EYA4: variants seen among roughly 807,000 people sequenced by gnomAD.
EYA4 encodes the protein protein phosphatase EYA4.
In EYA4, 31 loss-of-function variants were observed where a neutral mutation model predicts 87.9. The observed-to-expected ratio is 0.35, with a 90% CI of 0.27 to 0.48. The LOEUF is 0.48. Ranked by LOEUF, EYA4 falls within the 20% of genes least tolerant of loss-of-function variation. The probability of loss-of-function intolerance (pLI) is 0.99; values close to 1 mark genes in which losing one functional copy is unlikely to be tolerated. For synonymous variants in EYA4, 263 were observed against 270.6 expected, an observed-to-expected ratio of 0.97 and a Z score of 0.28; for missense variants, 678 against 761.4, an observed-to-expected ratio of 0.89 and a Z score of 1.29.
intron 2 of EYA4, among the ~76,000 whole-genome samples, chr6:133,296,163 C>T (rs1020468273): frequency 3.9e-5 from 6 of 152,134 alleles, no homozygotes; most frequent in African/African-American, 1.2e-4. Flanking sequence ...TGCAGTGCTC[C>T]TCAAGTGGGG....
At chr6:133,344,169 G>A (rs1481780370) in intron 2 of EYA4, among the ~76,000 whole-genome samples, 1 of 152,136 alleles carries the variant, frequency 6.6e-6, no homozygotes, top group African/African-American at 2.4e-5. Context: ...TGCAAGGCAC[G>A]GTTATATGCC....
At chr6:133,382,306 A>C in intron 2 of EYA4, 86 bp from the exon 3 acceptor site, 2 of 922,662 alleles carry the variant, frequency 2.2e-6, no homozygotes, top group Non-Finnish European at 3.6e-6. Context: ...CTTGGTGAAC[A>C]GAGCTATATC....
At chr6:133,342,463 C>CA (rs1418715482) in intron 2 of EYA4, among the ~76,000 whole-genome samples, 2 of 147,798 alleles carry the variant, frequency 1.4e-5, no homozygotes, top group Middle Eastern at 3.2e-3. Flanking sequence ...GAAGGTGTAG[C>CA]AAGGGACAGG....
At chr6:133,510,073 T>C (rs552794379) in intron 14 of EYA4, among the ~76,000 whole-genome samples, 1 of 152,286 alleles carries the variant, frequency 6.6e-6, no homozygotes, top group South Asian at 2.1e-4. Flanking sequence ...ATTATGGAGC[T>C]TATGGTCCAA....
At chr6:133,435,799 A>T (rs1186697000) in intron 3 of EYA4, among the ~76,000 whole-genome samples, 1 of 152,012 alleles carries the variant, frequency 6.6e-6, no homozygotes, top group Non-Finnish European at 1.5e-5. Context: ...TCCACAGTAT[A>T]TTTTTCCTCT....
At chr6:133,243,748 A>C (rs1376297446) in intron 1 of EYA4, among the ~76,000 whole-genome samples, 1 of 152,034 alleles carries the variant, frequency 6.6e-6, no homozygotes, top group Non-Finnish European at 1.5e-5. Context: ...CCCCCCAAAA[A>C]ATATTTGATA....
intron 2 of EYA4, among the ~76,000 whole-genome samples, chr6:133,368,981 G>C (rs1003057743): frequency 2.6e-5 from 4 of 152,078 alleles, no homozygotes; most frequent in African/African-American, 9.7e-5. Flanking sequence ...CTCTTTTCCT[G>C]TACGTCACTG....
chr6:133,494,641 T>C (rs1446617758), intron 13 of EYA4, among the ~76,000 whole-genome samples: 1 of 147,252 alleles, frequency 6.8e-6, no homozygotes, highest in African/African-American at 2.5e-5. Flanking sequence ...AGTTGGAGAT[T>C]AGCCTGGACA....
intron 1 of EYA4, among the ~76,000 whole-genome samples, chr6:133,255,596 T>C (rs1775274288): frequency 6.6e-6 from 1 of 152,158 alleles, no homozygotes; most frequent in Non-Finnish European, 1.5e-5. Flanking sequence ...ATGTGCATCT[T>C]TTCAGGCATT....
intron 13 of EYA4, among the ~76,000 whole-genome samples, chr6:133,493,027 T>G (rs1240402991): frequency 6.6e-6 from 1 of 152,136 alleles, no homozygotes; most frequent in Non-Finnish European, 1.5e-5. Context: ...CCGTTTTACC[T>G]GAAGCAATCT....
chr6:133,444,601 G>A (rs113136875), intron 3 of EYA4, among the ~76,000 whole-genome samples: 1 of 152,108 alleles, frequency 6.6e-6, no homozygotes, highest in East Asian at 1.9e-4. Context: ...CCTAGACTAT[G>A]GTGACCCTTA....
At chr6:133,249,430 T>C (rs112811721) in intron 1 of EYA4, among the ~76,000 whole-genome samples, 1,567 of 152,372 alleles carry the variant, frequency 0.01, 26 homozygotes, top group African/African-American at 0.035. Flanking sequence ...CATTTGTTCA[T>C]GATTTTTATG....
intron 2 of EYA4, among the ~76,000 whole-genome samples, chr6:133,364,644 G>A (rs1000079360): frequency 6.6e-6 from 1 of 152,212 alleles, no homozygotes; most frequent in African/African-American, 2.4e-5. Context: ...CCTCACTGCT[G>A]TTGACACATT....
intron 3 of EYA4, among the ~76,000 whole-genome samples, chr6:133,438,845 A>G (rs1019174133): frequency 6.6e-6 from 1 of 151,992 alleles, no homozygotes; most frequent in Non-Finnish European, 1.5e-5. Flanking sequence ...GATCGAGATC[A>G]TCCTGGCTAA....
intron 3 of EYA4, among the ~76,000 whole-genome samples, chr6:133,423,971 C>T (rs1387682720): frequency 6.6e-6 from 1 of 152,132 alleles, no homozygotes; most frequent in Non-Finnish European, 1.5e-5. Context: ...CACAACAGCT[C>T]AGAGGAGACC....
At chr6:133,244,779 G>C (rs1443124337) in intron 1 of EYA4, among the ~76,000 whole-genome samples, 2 of 152,024 alleles carry the variant, frequency 1.3e-5, no homozygotes, top group Non-Finnish European at 2.9e-5. Flanking sequence ...CTAAATGACT[G>C]ATGTCGTGTC....
chr6:133,266,967 CTAGGTATTGTAGA>C (rs555747750), intron 1 of EYA4, among the ~76,000 whole-genome samples: 354 of 152,212 alleles, frequency 2.3e-3, no homozygotes, highest in African/African-American at 7.7e-3. Flanking sequence ...AGGCCTTGAG[CTAGGTATTGTAGA>C]TAGGTAAATA....
At chr6:133,427,143 A>G (rs1399991576) in intron 3 of EYA4, among the ~76,000 whole-genome samples, 1 of 152,178 alleles carries the variant, frequency 6.6e-6, no homozygotes, top group Non-Finnish European at 1.5e-5. Flanking sequence ...AATAATCCTC[A>G]TTTCCTCGGA....
intron 1 of EYA4, among the ~76,000 whole-genome samples, chr6:133,250,379 C>T (rs1192377538): frequency 6.6e-6 from 1 of 152,096 alleles, no homozygotes; most frequent in Non-Finnish European, 1.5e-5. Context: ...CGGTGGCTCA[C>T]ACTTGTAATC....
Sources: allele counts gnomAD v4.1 joint callset (sites outside exome capture counted in the v4.1 genomes callset), GRCh38; gene constraint gnomAD v4.1.1; transcripts MANE v1.5; gene names NCBI Gene and HGNC (gene_info 2026-07-23, HGNC 2026-07-21).